INO80C: variants seen among roughly 807,000 people sequenced by gnomAD.
INO80C encodes the protein INO80 complex subunit C, also known as IES6 homolog.
A neutral mutation model predicts 17.7 loss-of-function variants in INO80C; 17 were observed. The ratio of observed to expected loss-of-function variants is 0.96; its 90% CI spans 0.66 to 1.44. The LOEUF is 1.44. Among genes scored for constraint, INO80C ranks in the 40% most tolerant of loss-of-function variants. The probability of loss-of-function intolerance (pLI) is 0.00; values close to 1 mark genes in which losing one functional copy is unlikely to be tolerated. For missense variants in INO80C, 244 were observed against 245.0 expected (o/e 1.00, Z 0.03); for synonymous variants, 96 against 95.8 (o/e 1.00, Z -0.01).
intron 4 of INO80C, among the ~76,000 whole-genome samples, chr18:35,469,327 A>C (rs2045642007): frequency 6.6e-6 from 1 of 152,202 alleles, no homozygotes; most frequent in Non-Finnish European, 1.5e-5. Context: ...ATTCCTCGGC[A>C]TAAAATCTCT....
In INO80C at chr18:35,478,354, GAA is replaced by G. The variant is rs369208692; in HGVS notation, c.380-7_380-6del. On this transcript the variant is annotated splice_region_variant and splice_polypyrimidine_tract_variant and intron_variant, in intron 3 of 4. Coordinates refer to ENST00000334598, the MANE Select transcript of INO80C (RefSeq NM_194281.4). ...GAGGAGCATCAATACTGAAGTCTGG[GAA>G]AAAAAAAAAAAAAAGATAACTAAAC... 6,080 of 1,248,692 alleles carry G rather than the reference GAA, an allele frequency of 4.9e-3. No homozygotes were observed. The highest frequency in any genetic ancestry group is 7.8e-3 in the South Asian group (515 of 66,108). The allele number at this position is 1,248,692 out of a possible 1,614,324, so 77.4% of individuals were successfully genotyped here. A position where few individuals can be genotyped will look rare whatever the true frequency, so the allele number is the denominator to read the frequency against.
At chr18:35,469,124 T>A (rs965507357) in intron 4 of INO80C, among the ~76,000 whole-genome samples, 6 of 152,190 alleles carry the variant, frequency 3.9e-5, no homozygotes, top group Non-Finnish European at 8.8e-5. Context: ...ACGCCCAGCA[T>A]GCTGGGCATG....
At position 35,470,031 on chromosome 18, in the gene INO80C, G is replaced by A. The variant is rs187405820; in HGVS notation, c.448-1289C>T. ...GGATTTTGAAACAAAAGACATGAGGGTGAGTCATTTTGAGCTCCTTTAAAA... is the reference window on the plus strand; with the variant it reads ...GGATTTTGAAACAAAAGACATGAGGATGAGTCATTTTGAGCTCCTTTAAAA... On this transcript the variant is annotated intron_variant, in intron 4 of 4. Coordinates refer to ENST00000334598, the MANE Select transcript of INO80C (RefSeq NM_194281.4). 2.6e-5 allele frequency among the ~76,000 whole-genome samples: 4 copies of A among 152,284 alleles called. No individual in the cohort carries two copies. The East Asian group carries it at 5.8e-4, about 22-fold the overall frequency.
intron 1 of INO80C, among the ~76,000 whole-genome samples, chr18:35,492,398 A>G (rs1290604219): frequency 6.6e-6 from 1 of 152,244 alleles, no homozygotes. Flanking sequence ...AGAAATGTTC[A>G]CAAAATAATG....
At chr18:35,492,422 G>A (rs1022186686) in intron 1 of INO80C, among the ~76,000 whole-genome samples, 1 of 152,116 alleles carries the variant, frequency 6.6e-6, no homozygotes, top group Non-Finnish European at 1.5e-5. Flanking sequence ...AGTGAAAAAC[G>A]GGGCACGTAA....
In INO80C at chr18:35,471,944, A is replaced by G. The variant is rs543815496; in HGVS notation, c.448-3202T>C. Among the ~76,000 whole-genome samples the G allele has an allele frequency of 9.0e-3, 1,375 of 152,168 alleles. 20 individuals carry two copies. Among genetic ancestry groups the G allele is most frequent in the African/African-American group, 0.031 (1,303 of 41,496 alleles). The stretch of plus-strand genomic sequence containing the variant: ...AAAGGACATGAACTCATCATTTTTT[A>G]TGGCTGCATAGTATTCCATGGTGTA... On this transcript the variant is annotated intron_variant, in intron 4 of 4. Transcript: ENST00000334598.
At chr18:35,476,587 G>GGAACA (rs2045739448) in intron 4 of INO80C, among the ~76,000 whole-genome samples, 1 of 152,088 alleles carries the variant, frequency 6.6e-6, no homozygotes, top group Non-Finnish European at 1.5e-5. Context: ...AGGGAAATAA[G>GGAACA]CAACACAAAT....
At chr18:35,495,008 G>C (rs1262165693) in intron 1 of INO80C, among the ~76,000 whole-genome samples, 2 of 152,234 alleles carry the variant, frequency 1.3e-5, no homozygotes, top group Admixed American at 6.5e-5. Context: ...GAAAGGTTGG[G>C]CAAGTGACAC....
In INO80C at chr18:35,497,930, A is replaced by C; in HGVS notation, c.-56T>G. On this transcript the variant is annotated 5_prime_UTR_variant, in exon 1 of 5. Coordinates refer to ENST00000334598, the MANE Select transcript of INO80C (RefSeq NM_194281.4). ...CCTTTTTCCCAGCGCGGGCCTTGGA[A>C]CTTCCTTTCCGCTGTTACTTCCGTC... 1 of 1,463,434 alleles carries C rather than the reference A, an allele frequency of 6.8e-7. No homozygotes were observed. The highest frequency in any genetic ancestry group is 1.4e-5 in the South Asian group (1 of 70,388). 90.7% of individuals were successfully genotyped at this position (1,463,434 alleles called of 1,614,324 possible).
intron 1 of INO80C, among the ~76,000 whole-genome samples, chr18:35,482,074 G>C (rs1555637170): frequency 6.6e-6 from 1 of 152,138 alleles, no homozygotes; most frequent in Non-Finnish European, 1.5e-5. Flanking sequence ...TAAAGCCTCT[G>C]TGATGTTTTC....
chr18:35,479,484 C>A, intron 2 of INO80C, 73 bp from the exon 3 acceptor site: 1 of 887,532 alleles, frequency 1.1e-6, no homozygotes, highest in Non-Finnish European at 1.9e-6. Context: ...GACATTTATG[C>A]CTAATCATAA....
At chr18:35,480,614 T>G in intron 1 of INO80C, 51 bp from the exon 2 acceptor site, 1 of 1,304,330 alleles carries the variant, frequency 7.7e-7, no homozygotes. Flanking sequence ...TTCAGCTGAG[T>G]TCCCCACCTC....
intron 1 of INO80C, among the ~76,000 whole-genome samples, chr18:35,481,705 G>T (rs1206344843): frequency 6.6e-6 from 1 of 152,118 alleles, no homozygotes; most frequent in Non-Finnish European, 1.5e-5. Context: ...CCAACATGGT[G>T]AAACTCCACC....
At chr18:35,480,610 T>A in intron 1 of INO80C, 47 bp from the exon 2 acceptor site, 1 of 1,376,072 alleles carries the variant, frequency 7.3e-7, no homozygotes, top group Non-Finnish European at 1.0e-6. Flanking sequence ...TTCTTTCAGC[T>A]GAGTTCCCCA....
chr18:35,497,284 G>A, intron 1 of INO80C: 2 of 966,800 alleles, frequency 2.1e-6, no homozygotes, highest in African/African-American at 1.8e-5. Flanking sequence ...CTCAGGATGA[G>A]AGAAAGCATA....
At chr18:35,477,046 C>T (rs2045745426) in intron 4 of INO80C, among the ~76,000 whole-genome samples, 1 of 152,206 alleles carries the variant, frequency 6.6e-6, no homozygotes, top group African/African-American at 2.4e-5. Context: ...GAGTTCAAGA[C>T]CAGCCTGGCC....
At chr18:35,468,861 A>C in intron 4 of INO80C, 119 bp from the exon 5 acceptor site, 4 of 870,388 alleles carry the variant, frequency 4.6e-6, no homozygotes, top group Admixed American at 5.1e-5. Context: ...ATTATGTCTT[A>C]CTCTGCCACC....
At chr18:35,482,586 T>C (rs1057233479) in intron 1 of INO80C, among the ~76,000 whole-genome samples, 9 of 152,172 alleles carry the variant, frequency 5.9e-5, no homozygotes, top group Admixed American at 1.3e-4. Context: ...CCACCTTCTG[T>C]CTGGATTCCC....
At chr18:35,470,955 G>A (rs939086179) in intron 4 of INO80C, among the ~76,000 whole-genome samples, 1 of 152,212 alleles carries the variant, frequency 6.6e-6, no homozygotes, top group East Asian at 1.9e-4. Context: ...CCCCCTTGCT[G>A]TAGGGTGACA....
Sources: gnomAD v4.1 joint callset for allele counts (sites outside exome capture counted in the v4.1 genomes callset) on GRCh38, gnomAD v4.1.1 for gene constraint, MANE v1.5 for transcripts, NCBI Gene and HGNC (gene_info 2026-07-23, HGNC 2026-07-21) for gene names.